RPTOR: variants seen among roughly 807,000 people sequenced by gnomAD.
The protein encoded by RPTOR is regulatory-associated protein of mTOR.
RPTOR carries 21 observed loss-of-function variants against 169.9 expected under a neutral mutation model. That is an observed-to-expected ratio of 0.12 (90% CI 0.09 to 0.18). RPTOR has a LOEUF of 0.18. Ranked by LOEUF, RPTOR falls within the 10% of genes least tolerant of loss-of-function variation. The pLI is 1.00. For synonymous variants in RPTOR, 732 were observed against 753.2 expected, an observed-to-expected ratio of 0.97 and a Z score of 0.46; for missense variants, 1,133 against 1,855.9, an observed-to-expected ratio of 0.61 and a Z score of 7.16.
intron 20 of RPTOR, among the ~76,000 whole-genome samples, chr17:80,902,676 C>CACATGGAGACA (rs1331468875): frequency 2.6e-5 from 4 of 152,252 alleles, no homozygotes; most frequent in African/African-American, 9.6e-5. Flanking sequence ...TGGAGACGGT[C>CACATGGAGACA]TGTGGCCTGT....
intron 7 of RPTOR, among the ~76,000 whole-genome samples, chr17:80,810,807 G>A (rs1049326179): frequency 6.6e-6 from 1 of 152,110 alleles, no homozygotes; most frequent in Non-Finnish European, 1.5e-5. Context: ...TGATTTAGTT[G>A]TCTTGGTGCC....
intron 13 of RPTOR, among the ~76,000 whole-genome samples, chr17:80,879,702 C>G (rs1212066600): frequency 6.6e-6 from 1 of 152,344 alleles, no homozygotes; most frequent in East Asian, 1.9e-4. Flanking sequence ...TGTGCCGAGC[C>G]ATGGCCGTGT....
chr17:80,762,950 A>G (rs959008827), intron 6 of RPTOR, among the ~76,000 whole-genome samples: 1 of 152,240 alleles, frequency 6.6e-6, no homozygotes, highest in Admixed American at 6.5e-5. Context: ...CTGTAAACGA[A>G]TTGAATTCAC....
At chr17:80,872,164 C>T (rs1025099746) in intron 13 of RPTOR, among the ~76,000 whole-genome samples, 16 of 152,162 alleles carry the variant, frequency 1.1e-4, no homozygotes, top group African/African-American at 3.6e-4. Context: ...CGAGGAGGGG[C>T]TGTTGAGGGG....
chr17:80,712,092 T>G (rs940347783), intron 4 of RPTOR, among the ~76,000 whole-genome samples: 1 of 152,190 alleles, frequency 6.6e-6, no homozygotes, highest in East Asian at 1.9e-4. Flanking sequence ...CAGTTTTAAT[T>G]TTACAGAAAA....
At chr17:80,577,737 G>A (rs2064977434) in intron 1 of RPTOR, among the ~76,000 whole-genome samples, 1 of 152,228 alleles carries the variant, frequency 6.6e-6, no homozygotes, top group Non-Finnish European at 1.5e-5. Flanking sequence ...CTGGAGCTGG[G>A]CTTCATGCCC....
chr17:80,731,144 C>T (rs1310088671), intron 5 of RPTOR, among the ~76,000 whole-genome samples: 1 of 152,160 alleles, frequency 6.6e-6, no homozygotes. Context: ...CTGCAAAGTT[C>T]TGGGATTACA....
At chr17:80,902,867 G>A (rs761358140) in intron 20 of RPTOR, among the ~76,000 whole-genome samples, 2 of 152,244 alleles carry the variant, frequency 1.3e-5, no homozygotes, top group African/African-American at 4.8e-5. Flanking sequence ...GAAACCCTGC[G>A]TCTCGGCCAG....
chr17:80,836,444 C>T (rs555374012), intron 9 of RPTOR, among the ~76,000 whole-genome samples: 52 of 152,322 alleles, frequency 3.4e-4, no homozygotes, highest in Admixed American at 9.8e-4. Flanking sequence ...CAGCGTGTGG[C>T]TCTGCGGCCT....
At chr17:80,636,589 C>T (rs1331526362) in intron 2 of RPTOR, among the ~76,000 whole-genome samples, 1 of 152,170 alleles carries the variant, frequency 6.6e-6, no homozygotes, top group Non-Finnish European at 1.5e-5. Context: ...TTATGAAACA[C>T]GATCGCCTCC....
chr17:80,555,498 G>C (rs1225425287), intron 1 of RPTOR, among the ~76,000 whole-genome samples: 1 of 152,186 alleles, frequency 6.6e-6, no homozygotes, highest in African/African-American at 2.4e-5. Context: ...CTGGCAAGGA[G>C]GAGGTGGCCA....
intron 3 of RPTOR, among the ~76,000 whole-genome samples, chr17:80,688,387 C>A (rs1007268867): frequency 1.3e-5 from 2 of 152,288 alleles, no homozygotes; most frequent in South Asian, 4.1e-4. Context: ...CAAAGTTCAT[C>A]CCTCAACCGT....
Position 80,955,355 on chromosome 17 carries a change from G to T in RPTOR, c.3371-2269G>T, listed in dbSNP as rs1311867377. Among the ~76,000 whole-genome samples, 8 of 152,220 alleles carry T rather than the reference G, an allele frequency of 5.3e-5. No homozygotes were observed. In the East Asian group the frequency reaches 1.5e-3, roughly 29 times the overall value. On this transcript the variant is annotated intron_variant, in intron 28 of 33. Coordinates refer to ENST00000306801, the MANE Select transcript of RPTOR (RefSeq NM_020761.3). ...GGAAGGAGCCATGTTGCTAAATGGT[G>T]TTGGGACAGCTGATGCCATATAGAA... is the stretch of plus-strand genomic sequence containing the variant.
intron 3 of RPTOR, among the ~76,000 whole-genome samples, chr17:80,649,954 A>T (rs930811934): frequency 7.9e-5 from 12 of 152,210 alleles, no homozygotes; most frequent in African/African-American, 2.9e-4. Context: ...CCTGGAAGCA[A>T]GCTTAGATTA....
intron 1 of RPTOR, among the ~76,000 whole-genome samples, chr17:80,586,861 A>G (rs1171521761): frequency 1.4e-5 from 2 of 145,252 alleles, no homozygotes; most frequent in South Asian, 2.2e-4. Context: ...CCTTTTTGCC[A>G]TGTGTGATAG....
intron 20 of RPTOR, among the ~76,000 whole-genome samples, chr17:80,895,613 G>A (rs7502932): frequency 0.68 from 104,114 of 152,218 alleles, 36,812 homozygotes; most frequent in Non-Finnish European, 0.77. Context: ...GTGGATACAC[G>A]TGAGTGCCTC....
At chr17:80,880,373 G>A (rs767414475) in intron 13 of RPTOR, 42 bp from the exon 14 acceptor site, 3 of 1,558,824 alleles carry the variant, frequency 1.9e-6, no homozygotes, top group East Asian at 4.5e-5. Flanking sequence ...GCATCTGCGG[G>A]ACACTGCACT....
intron 5 of RPTOR, among the ~76,000 whole-genome samples, chr17:80,731,778 T>C (rs1435813907): frequency 6.6e-6 from 1 of 152,242 alleles, no homozygotes; most frequent in South Asian, 2.1e-4. Flanking sequence ...TCAATTTTAA[T>C]GTATTATGTT....
intron 1 of RPTOR, among the ~76,000 whole-genome samples, chr17:80,560,434 T>C (rs2084466732): frequency 6.6e-6 from 1 of 152,132 alleles, no homozygotes. Flanking sequence ...ATTCCTGCGT[T>C]GAAGGTGTTT....
Sources: allele counts gnomAD v4.1 joint callset (sites outside exome capture counted in the v4.1 genomes callset), GRCh38; gene constraint gnomAD v4.1.1; transcripts MANE v1.5; gene names NCBI Gene and HGNC (gene_info 2026-07-23, HGNC 2026-07-21).